ITGA9: variants seen among roughly 807,000 people sequenced by gnomAD.
ITGA9 encodes integrin subunit alpha 9, also known as integrin alpha-9.
ITGA9 carries 56 observed loss-of-function variants against 127.8 expected under a neutral mutation model. The ratio of observed to expected loss-of-function variants is 0.44; its 90% CI spans 0.35 to 0.55. ITGA9 has a LOEUF of 0.55. ITGA9 is among the 20% of genes least tolerant of loss of function. ITGA9 has a pLI of 0.00. For missense variants in ITGA9, 1,196 were observed against 1,347.1 expected, an observed-to-expected ratio of 0.89 and a Z score of 1.76; for synonymous variants, 508 against 514.5, an observed-to-expected ratio of 0.99 and a Z score of 0.17.
intron 15 of ITGA9, among the ~76,000 whole-genome samples, chr3:37,580,183 T>G (rs1699696881): frequency 1.3e-5 from 2 of 151,994 alleles, no homozygotes; most frequent in African/African-American, 4.8e-5. Flanking sequence ...CTTTTCACTC[T>G]TTTTTTCAAG....
chr3:37,817,415 G>A (rs149520352), intron 27 of ITGA9, among the ~76,000 whole-genome samples: 95 of 152,284 alleles, frequency 6.2e-4, no homozygotes, highest in East Asian at 1.4e-3. Flanking sequence ...TGATTTGAGG[G>A]CAAGTCATTT....
chr3:37,572,209 G>A (rs1699609130), intron 15 of ITGA9, among the ~76,000 whole-genome samples: 1 of 152,060 alleles, frequency 6.6e-6, no homozygotes, highest in South Asian at 2.1e-4. Context: ...TTTTTCCTGT[G>A]TTCTGGTGAA....
At chr3:37,668,614 C>G (rs1700607540) in intron 17 of ITGA9, among the ~76,000 whole-genome samples, 2 of 152,178 alleles carry the variant, frequency 1.3e-5, no homozygotes, top group South Asian at 4.1e-4. Flanking sequence ...ACTCACCCAT[C>G]CCGGCACAGG....
chr3:37,718,787 T>C lies in ITGA9; in HGVS notation c.2068-13925T>C, dbSNP rs1165576509. Among the ~76,000 whole-genome samples, 4 of 152,194 alleles carry C rather than the reference T, an allele frequency of 2.6e-5. No homozygotes were observed. In the South Asian group the frequency reaches 8.3e-4, roughly 32 times the overall value. On this transcript the variant is annotated intron_variant, in intron 18 of 27. Coordinates refer to ENST00000264741, the MANE Select transcript of ITGA9 (RefSeq NM_002207.3). ...TGCATGCCGACGCCACATGCATTAA[T>C]TCTGCGGCCACACAGAGGGGCCTGC... is the stretch of plus-strand genomic sequence containing the variant.
intron 9 of ITGA9, among the ~76,000 whole-genome samples, chr3:37,516,709 G>A (rs1698987154): frequency 2.0e-5 from 3 of 152,168 alleles, no homozygotes; most frequent in Admixed American, 1.3e-4. Context: ...GGGATGGCCT[G>A]TAGGATATAG....
Position 37,703,374 on chromosome 3 carries a change from G to A in ITGA9, c.2067+19359G>A, listed in dbSNP as rs188084619. Reference sequence around the variant, plus strand: ...TAAATCTGAAGTTTTTGATCAATTGGGTTGCTGAGATTACAACTTTCTTTT... The same window carrying A: ...TAAATCTGAAGTTTTTGATCAATTGAGTTGCTGAGATTACAACTTTCTTTT... On this transcript the variant is annotated intron_variant, in intron 18 of 27. Transcript: ENST00000264741. Among the ~76,000 whole-genome samples, 50 of 152,160 alleles carry A rather than the reference G, an allele frequency of 3.3e-4. 1 individual carries two copies. In the East Asian group the frequency reaches 9.3e-3, roughly 28 times the overall value.
At chr3:37,709,577 C>T (rs1413814597) in intron 18 of ITGA9, among the ~76,000 whole-genome samples, 1 of 152,226 alleles carries the variant, frequency 6.6e-6, no homozygotes, top group Non-Finnish European at 1.5e-5. Flanking sequence ...TGAGTGGCAG[C>T]ATTGCGGGAG....
At chr3:37,634,452 GTAGACTTTAAGTCAAAAA>G (rs1035656824) in intron 16 of ITGA9, among the ~76,000 whole-genome samples, 1 of 152,098 alleles carries the variant, frequency 6.6e-6, no homozygotes, top group African/African-American at 2.4e-5. Context: ...CAGAGCAGGA[GTAGACTTTAAGTCAAAAA>G]TAGACTTTAA....
chr3:37,550,026 T>C (rs887970189), intron 15 of ITGA9, among the ~76,000 whole-genome samples: 3 of 152,252 alleles, frequency 2.0e-5, no homozygotes, highest in Admixed American at 2.0e-4. Context: ...TGCTGGTTAC[T>C]GTGAGTCACT....
chr3:37,636,353 G>A (rs1299177901), intron 16 of ITGA9, among the ~76,000 whole-genome samples: 1 of 152,088 alleles, frequency 6.6e-6, no homozygotes, highest in Non-Finnish European at 1.5e-5. Flanking sequence ...ATCTCATTGT[G>A]GTTTTGATTT....
At chr3:37,671,945 A>C (rs1340483970) in intron 17 of ITGA9, among the ~76,000 whole-genome samples, 1 of 152,218 alleles carries the variant, frequency 6.6e-6, no homozygotes, top group Non-Finnish European at 1.5e-5. Context: ...ATAAATATGA[A>C]CATAAAGCCA....
At chr3:37,456,159 G>A (rs543813524) in intron 1 of ITGA9, among the ~76,000 whole-genome samples, 3 of 152,084 alleles carry the variant, frequency 2.0e-5, no homozygotes, top group Non-Finnish European at 4.4e-5. Context: ...CTGTGCTCTG[G>A]GCAGTGAGAA....
At chr3:37,740,505 C>T (rs906865485) in intron 20 of ITGA9, among the ~76,000 whole-genome samples, 4 of 152,178 alleles carry the variant, frequency 2.6e-5, no homozygotes, top group African/African-American at 7.2e-5. Context: ...TCTTCCTTCT[C>T]GCTCCCAAAT....
intron 23 of ITGA9, among the ~76,000 whole-genome samples, chr3:37,754,927 T>C (rs1455749405): frequency 6.6e-6 from 1 of 152,116 alleles, no homozygotes; most frequent in African/African-American, 2.4e-5. Flanking sequence ...TAACAGGAGC[T>C]TAAAATTAGA....
Position 37,465,005 on chromosome 3 carries a change from G to A in ITGA9, c.186-6002G>A, listed in dbSNP as rs760635822. Among the ~76,000 whole-genome samples the A allele has an allele frequency of 3.1e-4, 47 of 152,374 alleles. No individual in the cohort carries two copies. The Middle Eastern group carries it at 0.01, about 33-fold the overall frequency. The stretch of plus-strand genomic sequence containing the variant: ...ACACACAGTGAAGAATTTGACTCAT[G>A]TAACCAAAACGTGGGTCCCTGGGGA... On this transcript the variant is annotated intron_variant, in intron 1 of 27. Transcript: ENST00000264741.
At chr3:37,752,138 C>G (rs970934523) in intron 23 of ITGA9, among the ~76,000 whole-genome samples, 1 of 152,238 alleles carries the variant, frequency 6.6e-6, no homozygotes, top group Admixed American at 6.5e-5. Context: ...TTAAAGCCCT[C>G]GGCAAGGGCC....
chr3:37,528,623 C>G (rs931192734), intron 13 of ITGA9, among the ~76,000 whole-genome samples: 5 of 152,162 alleles, frequency 3.3e-5, no homozygotes, highest in Non-Finnish European at 7.3e-5. Context: ...CCTGACCTAG[C>G]CTGTGACCTT....
chr3:37,552,521 T>A (rs1699387886), intron 15 of ITGA9, among the ~76,000 whole-genome samples: 1 of 152,166 alleles, frequency 6.6e-6, no homozygotes, highest in Non-Finnish European at 1.5e-5. Context: ...TTAGACTCTT[T>A]AATGAGAGAG....
At chr3:37,568,473 A>G (rs1301558252) in intron 15 of ITGA9, among the ~76,000 whole-genome samples, 2 of 152,218 alleles carry the variant, frequency 1.3e-5, no homozygotes, top group Non-Finnish European at 2.9e-5. Context: ...GCCAGCTTGA[A>G]TTTCTCCTCA....
Sources: allele counts gnomAD v4.1 joint callset (sites outside exome capture counted in the v4.1 genomes callset), GRCh38; gene constraint gnomAD v4.1.1; transcripts MANE v1.5; gene names NCBI Gene and HGNC (gene_info 2026-07-23, HGNC 2026-07-21).